The following EZH2 variants were observed in gnomAD, a reference collection of about 807,000 sequenced individuals.
EZH2 encodes the protein enhancer of zeste 2 polycomb repressive complex 2 subunit.
In EZH2, 18 loss-of-function variants were observed where a neutral mutation model predicts 98.4. The observed-to-expected ratio is 0.18, with a 90% CI of 0.13 to 0.27. The LOEUF (loss-of-function observed/expected upper bound fraction) is 0.27, where lower values mean the gene tolerates loss of function less well. Ranked by LOEUF, EZH2 falls within the 10% of genes least tolerant of loss-of-function variation. The pLI is 1.00. For synonymous variants in EZH2, 338 were observed against 312.3 expected, an observed-to-expected ratio of 1.08 and a Z score of -0.87; for missense variants, 470 against 935.1, an observed-to-expected ratio of 0.50 and a Z score of 6.49.
chr7:148,817,195 T>C, intron 11 of EZH2, 27 bp downstream of exon 11: 2 of 1,597,228 alleles, frequency 1.3e-6, no homozygotes, highest in Non-Finnish European at 1.7e-6. Context: ...GAAGCTCTTT[T>C]AACAACATTT....
At position 148,810,788 on chromosome 7, in the gene EZH2, C is replaced by A. The variant is rs559570823; in HGVS notation, c.1948-374G>T. Among the ~76,000 whole-genome samples, 6 of 151,130 alleles carry A rather than the reference C, an allele frequency of 4.0e-5. No homozygotes were observed. In the East Asian group the frequency reaches 1.2e-3, roughly 30 times the overall value. On this transcript the variant is annotated intron_variant, in intron 16 of 19. Transcript: ENST00000320356. ...GCGCATGCCTGTAATCCCAGCTACTCGGGACACTGAGGCAGGAGAATCGCT... is the reference window on the plus strand; with the variant it reads ...GCGCATGCCTGTAATCCCAGCTACTAGGGACACTGAGGCAGGAGAATCGCT...
intron 1 of EZH2, among the ~76,000 whole-genome samples, chr7:148,868,907 A>AT (rs1244191143): frequency 6.6e-6 from 1 of 151,804 alleles, no homozygotes; most frequent in African/African-American, 2.4e-5. Context: ...CTATTTGTAA[A>AT]TAACAAGTCA....
intron 8 of EZH2, among the ~76,000 whole-genome samples, chr7:148,825,453 C>T (rs1318204488): frequency 6.6e-6 from 1 of 152,186 alleles, no homozygotes; most frequent in African/African-American, 2.4e-5. Flanking sequence ...ATGTCACACA[C>T]AAAAACAAAA....
chr7:148,853,465 T>C (rs1816230275), intron 1 of EZH2, among the ~76,000 whole-genome samples: 1 of 152,028 alleles, frequency 6.6e-6, no homozygotes, highest in Admixed American at 6.5e-5. Context: ...ATCCCTCACG[T>C]GTGCAGCTTA....
intron 1 of EZH2, among the ~76,000 whole-genome samples, chr7:148,882,292 T>G (rs1401615256): frequency 6.6e-6 from 1 of 152,206 alleles, no homozygotes; most frequent in African/African-American, 2.4e-5. Flanking sequence ...TATAGGACAG[T>G]GCAACCAGAA....
chr7:148,881,481 T>C (rs1218402393), intron 1 of EZH2, among the ~76,000 whole-genome samples: 1 of 152,232 alleles, frequency 6.6e-6, no homozygotes, highest in Non-Finnish European at 1.5e-5. Context: ...TTTAAGTCAC[T>C]GCTACTTAAA....
At chr7:148,874,138 C>T (rs1347037688) in intron 1 of EZH2, among the ~76,000 whole-genome samples, 5 of 152,302 alleles carry the variant, frequency 3.3e-5, no homozygotes, top group South Asian at 2.1e-4. Context: ...GTAATCCCAG[C>T]ACTTTGGGAG....
chr7:148,882,427 G>A (rs1012901219), intron 1 of EZH2, among the ~76,000 whole-genome samples: 3 of 151,742 alleles, frequency 2.0e-5, no homozygotes, highest in Non-Finnish European at 4.4e-5. Context: ...ACACACCTCC[G>A]AAAAGAGAGA....
intron 1 of EZH2, among the ~76,000 whole-genome samples, chr7:148,881,225 A>C (rs1352034495): frequency 6.6e-6 from 1 of 152,238 alleles, no homozygotes; most frequent in African/African-American, 2.4e-5. Flanking sequence ...GTTTTTAAAA[A>C]GCAGATCAAC....
chr7:148,813,439 C>T (rs1738568936), intron 15 of EZH2, among the ~76,000 whole-genome samples: 1 of 151,668 alleles, frequency 6.6e-6, no homozygotes, highest in Non-Finnish European at 1.5e-5. Context: ...TACAATTCCC[C>T]AGACTAAAAA....
At chr7:148,815,908 G>A (rs1020859772) in intron 12 of EZH2, among the ~76,000 whole-genome samples, 3 of 152,258 alleles carry the variant, frequency 2.0e-5, no homozygotes, top group South Asian at 2.1e-4. Context: ...AGTGAACTAC[G>A]TGGTCAGAAA....
At chr7:148,816,843 C>T in intron 11 of EZH2, 65 bp from the exon 12 acceptor site, 1 of 1,125,934 alleles carries the variant, frequency 8.9e-7, no homozygotes, top group Non-Finnish European at 1.4e-6. Context: ...TTCTTATACT[C>T]ATGCATACCA....
rs764910888 is a variant in EZH2, at chr7:148,816,823, A to G, written c.1411-45T>C. ...CAGAGCCATGAGGACAGTCTTATTT[A>G]GGCAAACCATTCTTATACTCATGCA... is the stretch of plus-strand genomic sequence containing the variant. On this transcript the variant is annotated intron_variant, in intron 11 of 19. Transcript: ENST00000320356. 3.5e-6 allele frequency: 5 copies of G among 1,418,620 alleles called. No individual in the cohort carries two copies. In the East Asian group the frequency reaches 1.1e-4, roughly 32 times the overall value. The allele number at this position is 1,418,620 out of a possible 1,614,324, so 87.9% of individuals were successfully genotyped here.
At chr7:148,827,576 C>A (rs1808086131) in intron 6 of EZH2, among the ~76,000 whole-genome samples, 1 of 152,182 alleles carries the variant, frequency 6.6e-6, no homozygotes, top group African/African-American at 2.4e-5. Context: ...GGTCTGTTTA[C>A]TCATCTGTAA....
At chr7:148,847,008 T>G (rs1288203528) in intron 2 of EZH2, among the ~76,000 whole-genome samples, 174 bp downstream of exon 2, 1 of 152,132 alleles carries the variant, frequency 6.6e-6, no homozygotes, top group Non-Finnish European at 1.5e-5. Context: ...GACTGATTAA[T>G]GTGCATGGTA....
intron 1 of EZH2, among the ~76,000 whole-genome samples, chr7:148,858,636 T>C (rs1275267583): frequency 6.6e-6 from 1 of 152,218 alleles, no homozygotes; most frequent in East Asian, 1.9e-4. Context: ...GCAATCTTTC[T>C]GCCTCAGCCT....
chr7:148,835,031 C>G (rs1810504752), intron 3 of EZH2, among the ~76,000 whole-genome samples: 1 of 152,214 alleles, frequency 6.6e-6, no homozygotes, highest in Admixed American at 6.5e-5. Flanking sequence ...GACTGCAACA[C>G]CCGTGAGCTT....
intron 3 of EZH2, among the ~76,000 whole-genome samples, chr7:148,841,181 C>A (rs1407328059): frequency 1.4e-5 from 2 of 146,166 alleles, no homozygotes; most frequent in African/African-American, 5.0e-5. Context: ...CACAAATGAC[C>A]TTTTTTTTTT....
intron 1 of EZH2, among the ~76,000 whole-genome samples, chr7:148,855,770 CGCCTGTAATCCCA>C (rs1018431709): frequency 6.6e-6 from 1 of 151,660 alleles, no homozygotes; most frequent in Non-Finnish European, 1.5e-5. Flanking sequence ...TGGTGATGCA[CGCCTGTAATCCCA>C]GCTACTCAGG....
Sources: gnomAD v4.1 joint callset for allele counts (sites outside exome capture counted in the v4.1 genomes callset) on GRCh38, gnomAD v4.1.1 for gene constraint, MANE v1.5 for transcripts, NCBI Gene and HGNC (gene_info 2026-07-23, HGNC 2026-07-21) for gene names.